RORA: variants seen among roughly 807,000 people sequenced by gnomAD.
RORA encodes the protein RAR related orphan receptor A.
A neutral mutation model predicts 69.5 loss-of-function variants in RORA; 7 were observed. The ratio of observed to expected loss-of-function variants is 0.10; its 90% CI spans 0.06 to 0.19. RORA has a LOEUF of 0.19. Ranked by LOEUF, RORA falls within the 10% of genes least tolerant of loss-of-function variation. The pLI is 1.00. For synonymous variants in RORA, 261 were observed against 240.8 expected (o/e 1.08, Z -0.78); for missense variants, 457 against 663.0 (o/e 0.69, Z 3.41).
intron 2 of RORA, among the ~76,000 whole-genome samples, chr15:60,662,666 T>C (rs2070321758): frequency 6.6e-6 from 1 of 151,960 alleles, no homozygotes; most frequent in South Asian, 2.1e-4. Context: ...TTTTCTTCAG[T>C]ATGTGCAATT....
chr15:61,142,637 T>C (rs1468457669), intron 1 of RORA, among the ~76,000 whole-genome samples: 1 of 151,960 alleles, frequency 6.6e-6, no homozygotes, highest in South Asian at 2.1e-4. Flanking sequence ...AATCCACCAG[T>C]GCAATAATAG....
chr15:60,840,297 C>A (rs1410828599), intron 1 of RORA, among the ~76,000 whole-genome samples: 1 of 152,228 alleles, frequency 6.6e-6, no homozygotes, highest in Non-Finnish European at 1.5e-5. Flanking sequence ...GTCCTCTCAG[C>A]CAGTGTCCTC....
chr15:60,699,950 A>G (rs1383163805), intron 1 of RORA, among the ~76,000 whole-genome samples: 1 of 152,144 alleles, frequency 6.6e-6, no homozygotes, highest in African/African-American at 2.4e-5. Flanking sequence ...CAAAGTACGC[A>G]TAAAGAACAT....
intron 1 of RORA, among the ~76,000 whole-genome samples, chr15:60,954,711 G>C (rs1048706053): frequency 6.6e-6 from 1 of 152,220 alleles, no homozygotes; most frequent in Non-Finnish European, 1.5e-5. Context: ...TGAACTATTA[G>C]GTTGTTGCAA....
intron 1 of RORA, among the ~76,000 whole-genome samples, chr15:61,160,165 T>C (rs575810130): frequency 6.6e-6 from 1 of 152,326 alleles, no homozygotes; most frequent in Admixed American, 6.5e-5. Context: ...CTCATGTTCC[T>C]GGCACGAAGC....
intron 1 of RORA, among the ~76,000 whole-genome samples, chr15:60,811,779 G>A (rs1323498215): frequency 1.3e-5 from 2 of 151,686 alleles, no homozygotes; most frequent in African/African-American, 4.9e-5. Context: ...TTTATAATCT[G>A]TACCTTTCAA....
At chr15:60,683,624 C>G (rs1306379476) in intron 1 of RORA, among the ~76,000 whole-genome samples, 1 of 141,908 alleles carries the variant, frequency 7.0e-6, no homozygotes. Flanking sequence ...TGTAAGACTC[C>G]TTCTATTTTA....
chr15:60,718,438 C>T lies in RORA; in HGVS notation c.167-39752G>A, dbSNP rs562803507. Among the ~76,000 whole-genome samples the T allele has an allele frequency of 1.4e-4, 21 of 151,942 alleles. No individual in the cohort carries two copies. The South Asian group carries it at 2.1e-3, about 15-fold the overall frequency. On this transcript the variant is annotated intron_variant, in intron 1 of 10. Coordinates refer to ENST00000335670, the MANE Select transcript of RORA (RefSeq NM_134261.3). Reference sequence around the variant, plus strand: ...CACTCCTCACTTTTAAAAATGAGTCCGGTAAATGAAAAAACGTTAGATTTA... The same window carrying T: ...CACTCCTCACTTTTAAAAATGAGTCTGGTAAATGAAAAAACGTTAGATTTA...
chr15:61,069,119 TGTTTA>T (rs1440465864), intron 1 of RORA, among the ~76,000 whole-genome samples: 1 of 152,232 alleles, frequency 6.6e-6, no homozygotes, highest in Non-Finnish European at 1.5e-5. Flanking sequence ...AAGCTTGTAT[TGTTTA>T]TTCAATGGTA....
At chr15:60,725,743 C>A (rs1376488883) in intron 1 of RORA, among the ~76,000 whole-genome samples, 2 of 152,160 alleles carry the variant, frequency 1.3e-5, no homozygotes, top group African/African-American at 2.4e-5. Context: ...GGGATCTAGT[C>A]ACTTGAGAAC....
intron 1 of RORA, among the ~76,000 whole-genome samples, chr15:60,698,813 G>T (rs1364729199): frequency 1.3e-5 from 2 of 151,958 alleles, no homozygotes; most frequent in African/African-American, 4.8e-5. Flanking sequence ...GGCTAAAAAG[G>T]TGTCCCTTTA....
chr15:61,123,912 T>C (rs1233514200), intron 1 of RORA, among the ~76,000 whole-genome samples: 3 of 152,236 alleles, frequency 2.0e-5, no homozygotes, highest in Non-Finnish European at 4.4e-5. Flanking sequence ...CTGGGTAGGA[T>C]GCTGGTGAGA....
chr15:60,965,541 A>G (rs16943398), intron 1 of RORA, among the ~76,000 whole-genome samples: 1,588 of 152,336 alleles, frequency 0.01, 29 homozygotes, highest in African/African-American at 0.036. Flanking sequence ...AACTTAATAT[A>G]TCTGAGCAGA....
chr15:61,064,624 T>C (rs2140558858), intron 1 of RORA, among the ~76,000 whole-genome samples: 1 of 152,288 alleles, frequency 6.6e-6, no homozygotes, highest in South Asian at 2.1e-4. Flanking sequence ...ATTCCTCTGG[T>C]GTCAGTGGTC....
intron 1 of RORA, among the ~76,000 whole-genome samples, chr15:60,868,559 C>T (rs1004201693): frequency 2.6e-5 from 4 of 152,104 alleles, no homozygotes; most frequent in African/African-American, 7.2e-5. Flanking sequence ...TTGGACCAAC[C>T]CTGCCTGTGT....
Position 60,493,490 on chromosome 15 carries a change from G to GTTGT in RORA, c.*3961_*3964dup, listed in dbSNP as rs1185177280. On this transcript the variant is annotated 3_prime_UTR_variant, in exon 11 of 11. Coordinates refer to ENST00000335670, the MANE Select transcript of RORA (RefSeq NM_134261.3). ...ACCTTTTCATGAAAGATACTACTAG[G>GTTGT]TTGTTTTGCATTTTGGAATGTCGGA... is the stretch of plus-strand genomic sequence containing the variant. 3.3e-5 allele frequency: 5 copies of GTTGT among 152,094 alleles called. No homozygotes were observed. Among genetic ancestry groups the GTTGT allele is most frequent in the African/African-American group, 1.2e-4 (5 of 41,410 alleles). 9.4% of individuals were successfully genotyped at this position (152,094 alleles called of 1,614,324 possible).
intron 1 of RORA, among the ~76,000 whole-genome samples, chr15:60,857,657 A>T (rs996571655): frequency 2.6e-5 from 4 of 152,186 alleles, no homozygotes; most frequent in Non-Finnish European, 4.4e-5. Flanking sequence ...GCAAAATGGC[A>T]CACAGGTGCT....
At chr15:60,641,048 G>A (rs2069935604) in intron 2 of RORA, among the ~76,000 whole-genome samples, 1 of 152,132 alleles carries the variant, frequency 6.6e-6, no homozygotes, top group African/African-American at 2.4e-5. Context: ...GACCTCCTGG[G>A]CTCAAGCCAT....
chr15:60,551,221 G>A (rs753500890), intron 2 of RORA, among the ~76,000 whole-genome samples: 21 of 151,962 alleles, frequency 1.4e-4, no homozygotes, highest in Admixed American at 2.0e-4. Flanking sequence ...TCCCTTCCCT[G>A]TTGTTTTGAT....
Sources: allele counts gnomAD v4.1 joint callset (sites outside exome capture counted in the v4.1 genomes callset), GRCh38; gene constraint gnomAD v4.1.1; transcripts MANE v1.5; gene names NCBI Gene and HGNC (gene_info 2026-07-23, HGNC 2026-07-21).